PELI2: variants seen among roughly 807,000 people sequenced by gnomAD.
PELI2 encodes pellino E3 ubiquitin protein ligase family member 2.
PELI2 carries 23 observed loss-of-function variants against 42.3 expected under a neutral mutation model. The observed-to-expected ratio is 0.54, with a 90% CI of 0.39 to 0.77. The LOEUF (loss-of-function observed/expected upper bound fraction) is 0.77. Among genes scored for constraint, PELI2 ranks in the 30% least tolerant of loss-of-function variants. The pLI is 0.00. For missense variants in PELI2, 463 were observed against 553.2 expected (o/e 0.84, Z 1.64); for synonymous variants, 245 against 212.2 (o/e 1.15, Z -1.34).
chr14:56,235,517 C>T (rs1887759271), intron 2 of PELI2, among the ~76,000 whole-genome samples: 1 of 152,220 alleles, frequency 6.6e-6, no homozygotes, highest in Admixed American at 6.5e-5. Context: ...CCTTTTAGAG[C>T]CAGGCCTAGA....
rs1444674384 is a variant in PELI2 at position 56,298,281 on chromosome 14, T to TGGTA, written c.*1116_*1119dup. 5.9e-5 allele frequency: 9 copies of TGGTA among 152,548 alleles called. No homozygotes were observed. The highest frequency in any genetic ancestry group is 2.0e-4 in the Admixed American group (3 of 15,276). The allele number at this position is 152,548 out of a possible 1,614,324, so 9.4% of individuals were successfully genotyped here. A position where few individuals can be genotyped will look rare whatever the true frequency, so the allele number is the denominator to read the frequency against. ...ATGATTAGATATACACAACACCAAGTGGTACATCTGCAGAGATAATTCAAA... is the reference window on the plus strand; with the variant it reads ...ATGATTAGATATACACAACACCAAGTGGTAGGTACATCTGCAGAGATAATTCAAA... On this transcript the variant is annotated 3_prime_UTR_variant, in exon 6 of 6. Coordinates refer to ENST00000267460, the MANE Select transcript of PELI2 (RefSeq NM_021255.3).
chr14:56,222,601 T>G (rs1040564930), intron 2 of PELI2, among the ~76,000 whole-genome samples: 2 of 152,214 alleles, frequency 1.3e-5, no homozygotes, highest in African/African-American at 4.8e-5. Context: ...AAATAATTTG[T>G]TTTGATGGAA....
intron 2 of PELI2, among the ~76,000 whole-genome samples, chr14:56,217,455 C>A (rs1373191966): frequency 2.0e-5 from 3 of 152,234 alleles, no homozygotes; most frequent in Non-Finnish European, 4.4e-5. Flanking sequence ...GAGGAGGACT[C>A]CTCTGGCAGT....
intron 2 of PELI2, among the ~76,000 whole-genome samples, chr14:56,271,956 A>G (rs1347335049): frequency 1.3e-5 from 2 of 152,202 alleles, no homozygotes; most frequent in Non-Finnish European, 2.9e-5. Context: ...GGGCAGCCTC[A>G]GAGAAGAGCA....
chr14:56,129,377 CG>C (rs1566596390), intron 1 of PELI2, among the ~76,000 whole-genome samples: 1 of 152,250 alleles, frequency 6.6e-6, no homozygotes, highest in Non-Finnish European at 1.5e-5. Context: ...GGTGAGATAA[CG>C]TGATCCATTT....
chr14:56,251,097 C>G (rs535404958), intron 2 of PELI2, among the ~76,000 whole-genome samples: 1 of 152,298 alleles, frequency 6.6e-6, no homozygotes, highest in East Asian at 1.9e-4. Flanking sequence ...GCACCATCTC[C>G]CAGGCATTTC....
At chr14:56,239,938 A>G (rs769657971) in intron 2 of PELI2, among the ~76,000 whole-genome samples, 3 of 152,220 alleles carry the variant, frequency 2.0e-5, no homozygotes, top group African/African-American at 4.8e-5. Context: ...GAAATAATCT[A>G]TCAGTAGCAG....
intron 2 of PELI2, among the ~76,000 whole-genome samples, chr14:56,228,585 A>G (rs989275513): frequency 5.4e-4 from 82 of 152,380 alleles, no homozygotes; most frequent in African/African-American, 1.9e-3. Context: ...ACTGGATTAA[A>G]AAATTCACCT....
intron 2 of PELI2, among the ~76,000 whole-genome samples, chr14:56,244,181 A>G (rs1888071674): frequency 6.6e-6 from 1 of 152,230 alleles, no homozygotes; most frequent in South Asian, 2.1e-4. Context: ...AGTTACATTC[A>G]TCCTAGCAAA....
rs397957598 is a variant in PELI2 at position 56,155,756 on chromosome 14, T to TA, written c.78-22578dup. The stretch of plus-strand genomic sequence containing the variant: ...GCCACCACGCCCGGCTAATTTTTTT[T>TA]ATATTTTTAGTAGAGACGGGGTTTC... On this transcript the variant is annotated intron_variant, in intron 1 of 5. Transcript: ENST00000267460. Among the ~76,000 whole-genome samples, 11 of 150,584 alleles carry TA rather than the reference T, an allele frequency of 7.3e-5. No homozygotes were observed. In the Admixed American group the frequency reaches 7.3e-4, roughly 10 times the overall value.
chr14:56,214,318 A>G (rs1394102504), intron 2 of PELI2, among the ~76,000 whole-genome samples: 1 of 152,210 alleles, frequency 6.6e-6, no homozygotes, highest in Non-Finnish European at 1.5e-5. Flanking sequence ...GTGGCCTTAC[A>G]GGATGATTTG....
intron 2 of PELI2, among the ~76,000 whole-genome samples, chr14:56,245,881 G>A (rs74052113): frequency 2.0e-5 from 3 of 152,098 alleles, no homozygotes; most frequent in Admixed American, 6.6e-5. Context: ...TATATGGGAG[G>A]ATGTATTAAT....
chr14:56,204,875 C>G (rs144705369), intron 2 of PELI2, among the ~76,000 whole-genome samples: 1 of 151,494 alleles, frequency 6.6e-6, no homozygotes, highest in Non-Finnish European at 1.5e-5. Context: ...ACTAAAAATA[C>G]AAAAAAGTAG....
intron 2 of PELI2, among the ~76,000 whole-genome samples, chr14:56,232,426 T>G (rs1887618494): frequency 6.6e-6 from 1 of 152,178 alleles, no homozygotes; most frequent in Non-Finnish European, 1.5e-5. Context: ...CAAGTTGGCT[T>G]CATCCCTGGG....
chr14:56,293,234 C>A (rs554209749), intron 5 of PELI2, among the ~76,000 whole-genome samples: 1 of 152,256 alleles, frequency 6.6e-6, no homozygotes, highest in East Asian at 1.9e-4. Flanking sequence ...TATGTAGGGG[C>A]CATTAGTTGC....
intron 2 of PELI2, among the ~76,000 whole-genome samples, chr14:56,220,335 G>T (rs962630463): frequency 6.6e-6 from 1 of 152,150 alleles, no homozygotes; most frequent in East Asian, 1.9e-4. Flanking sequence ...TGACAATCTG[G>T]CCGGAAGCTA....
intron 2 of PELI2, among the ~76,000 whole-genome samples, chr14:56,236,575 C>T (rs1323914616): frequency 6.6e-6 from 1 of 152,214 alleles, no homozygotes; most frequent in Non-Finnish European, 1.5e-5. Context: ...GCCTTTTACT[C>T]ATGGTGCATT....
rs759908731 is a variant in PELI2, at chr14:56,288,069, A to G, written c.310-368A>G. Among the ~76,000 whole-genome samples the G allele has an allele frequency of 1.3e-4, 20 of 152,180 alleles. No homozygotes were observed. Among genetic ancestry groups the G allele is most frequent in the Non-Finnish European group, 1.3e-4 (9 of 68,028 alleles). On this transcript the variant is annotated intron_variant, in intron 3 of 5. Coordinates refer to ENST00000267460, the MANE Select transcript of PELI2 (RefSeq NM_021255.3). This position sits in a 1 kb window ranked among gnomAD's most constrained non-coding sequence, Gnocchi z 4.6. ...GCTTTTTCTCAATACTTAAAATCTA[A>G]TGAACTAGTGAGTGGCATAAAGTGA...
chr14:56,126,475 G>A (rs1883267172), intron 1 of PELI2, among the ~76,000 whole-genome samples: 2 of 152,216 alleles, frequency 1.3e-5, no homozygotes, highest in South Asian at 4.1e-4. Context: ...TTTAGGATAA[G>A]AAATCATTGT....
Sources: gnomAD v4.1 joint callset for allele counts (sites outside exome capture counted in the v4.1 genomes callset) on GRCh38, gnomAD v4.1.1 for gene constraint, Gnocchi (gnomAD v3.1) non-coding constraint, MANE v1.5 for transcripts, NCBI Gene and HGNC (gene_info 2026-07-23, HGNC 2026-07-21) for gene names.